Variants in COG6 observed in about 807,000 individuals in gnomAD.
The protein encoded by COG6 is conserved oligomeric Golgi complex subunit 6.
Under a neutral mutation model 88.8 loss-of-function variants are expected in COG6, and 74 were observed. The observed-to-expected ratio is 0.83, with a 90% confidence interval of 0.69 to 1.01. The LOEUF (loss-of-function observed/expected upper bound fraction) is 1.01. Ranked by LOEUF, COG6 falls within the 50% of genes least tolerant of loss-of-function variation. The probability of loss-of-function intolerance (pLI) is 0.00; values close to 1 mark genes in which losing one functional copy is unlikely to be tolerated. For missense variants in COG6, 800 were observed against 797.9 expected (o/e 1.00, Z -0.03); for synonymous variants, 286 against 278.7 (o/e 1.03, Z -0.26).
At chr13:39,789,703 G>A (rs1307580416) in exon 19 of COG6, 1 of 152,130 alleles carries the variant, frequency 6.6e-6, no homozygotes. Flanking sequence ...AATTAGTTTA[G>A]CTTGTGTGGT....
At chr13:39,737,272 C>A (rs1032645926) in intron 18 of COG6, among the ~76,000 whole-genome samples, 5 of 152,128 alleles carry the variant, frequency 3.3e-5, no homozygotes, top group Admixed American at 6.5e-5. Context: ...AGATCCAAAG[C>A]AAGCATAGCA....
At chr13:39,702,531 C>G (rs1397897042) in intron 13 of COG6, among the ~76,000 whole-genome samples, 2 of 151,748 alleles carry the variant, frequency 1.3e-5, no homozygotes, top group African/African-American at 4.8e-5. Flanking sequence ...TGGGGAAAAT[C>G]TTAATATTAA....
intron 8 of COG6, among the ~76,000 whole-genome samples, chr13:39,685,587 T>C (rs1208071643): frequency 6.6e-6 from 1 of 152,140 alleles, no homozygotes; most frequent in African/African-American, 2.4e-5. Flanking sequence ...TTATTTTTAA[T>C]ATAGTTAGTA....
intron 5 of COG6, 89 bp downstream of exon 5, chr13:39,677,668 TAA>T: frequency 2.9e-6 from 2 of 683,190 alleles, no homozygotes; most frequent in Non-Finnish European, 5.0e-6. Context: ...ATTTTCCCAT[TAA>T]AAAAAGTTTC....
At chr13:39,779,395 C>T (rs1881561693) in intron 18 of COG6, among the ~76,000 whole-genome samples, 1 of 152,228 alleles carries the variant, frequency 6.6e-6, no homozygotes, top group Admixed American at 6.5e-5. Context: ...ACGGTGTTAT[C>T]TCCACATCAT....
At chr13:39,790,865 T>A (rs573112903) in exon 19 of COG6, 9 of 152,262 alleles carry the variant, frequency 5.9e-5, no homozygotes, top group African/African-American at 2.2e-4. Flanking sequence ...ATAATGACTA[T>A]GAATTTTTTC....
intron 3 of COG6, chr13:39,664,217 G>A (rs1593407231): frequency 6.5e-6 from 1 of 154,344 alleles, no homozygotes; most frequent in African/African-American, 2.4e-5. Flanking sequence ...GTCTTCAGGT[G>A]TTTGCTCTGG....
At chr13:39,723,896 A>G (rs1034376471) in intron 16 of COG6, among the ~76,000 whole-genome samples, 1 of 151,988 alleles carries the variant, frequency 6.6e-6, no homozygotes, top group Non-Finnish European at 1.5e-5. Flanking sequence ...GTTGCCCATT[A>G]CTTTGAGAAG....
At chr13:39,677,316 T>C (rs1876031382) in intron 4 of COG6, 152 bp from the exon 5 acceptor site, 1 of 640,820 alleles carries the variant, frequency 1.6e-6, no homozygotes. Flanking sequence ...GATAAAATTC[T>C]AATATTTGAG....
chr13:39,761,292 A>C lies in COG6; in HGVS notation c.1827-27043A>C, dbSNP rs936295347. Among the ~76,000 whole-genome samples the C allele has an allele frequency of 5.3e-5, 8 of 152,162 alleles. 1 individual carries two copies. The highest frequency in any genetic ancestry group is 1.9e-4 in the African/African-American group (8 of 41,572). On this transcript the variant is annotated intron_variant, in intron 18 of 18. Transcript: ENST00000416691. ...GATATCTATTCTTAAGTTACACTTA[A>C]ACTTATTTGTTGCTGTATATAGAAA...
chr13:39,752,717 A>G, downstream of COG6: 2 of 1,115,350 alleles, frequency 1.8e-6, no homozygotes, highest in Non-Finnish European at 2.2e-6. Flanking sequence ...AGGAAATACA[A>G]CATAGGGCAA....
intron 18 of COG6, among the ~76,000 whole-genome samples, chr13:39,750,114 C>T (rs1880544840): frequency 6.6e-6 from 1 of 152,122 alleles, no homozygotes; most frequent in Non-Finnish European, 1.5e-5. Context: ...TTTAAACACA[C>T]ATTTTTATTT....
At chr13:39,710,131 A>G (rs892856380) in intron 13 of COG6, among the ~76,000 whole-genome samples, 1 of 152,156 alleles carries the variant, frequency 6.6e-6, no homozygotes, top group Non-Finnish European at 1.5e-5. Context: ...ATTTATGAAT[A>G]TCATATATCT....
chr13:39,753,324 A>C (rs938998810), downstream of COG6, among the ~76,000 whole-genome samples: 1 of 152,154 alleles, frequency 6.6e-6, no homozygotes, highest in African/African-American at 2.4e-5. Context: ...CTAGACACCA[A>C]ATCTTTTGGT....
chr13:39,716,836 A>G (rs947905863), intron 13 of COG6, among the ~76,000 whole-genome samples: 1 of 152,224 alleles, frequency 6.6e-6, no homozygotes, highest in African/African-American at 2.4e-5. Flanking sequence ...ATGCCCATCA[A>G]CATAGACTTA....
chr13:39,724,369 C>T (rs1879015414), intron 16 of COG6, 139 bp from the exon 17 acceptor site: 2 of 657,810 alleles, frequency 3.0e-6, no homozygotes, highest in Non-Finnish European at 2.7e-6. Context: ...AGAAATTACA[C>T]TTGAGTTCTT....
At chr13:39,698,494 G>A (rs950461378) in intron 12 of COG6, among the ~76,000 whole-genome samples, 9 of 151,730 alleles carry the variant, frequency 5.9e-5, no homozygotes, top group Admixed American at 6.6e-5. Context: ...AATTTACATT[G>A]TTTTCATGAA....
At chr13:39,682,699 A>AG (rs1019169890) in intron 8 of COG6, among the ~76,000 whole-genome samples, 8 of 152,082 alleles carry the variant, frequency 5.3e-5, no homozygotes, top group Non-Finnish European at 1.2e-4. Flanking sequence ...TTAGGAGGAG[A>AG]GGGCCCAGGT....
In COG6 at chr13:39,751,733, G is replaced by A; in HGVS notation, c.*640G>A. On this transcript the variant is annotated 3_prime_UTR_variant, in exon 19 of 19. Transcript: ENST00000455146. ...TTATGCAATTTTAAGTATACACTCA[G>A]CAATAATTAGAAAAAAAGGAGAGAG... 1 of 1,286,848 alleles carries A rather than the reference G, an allele frequency of 7.8e-7. No individual in the cohort carries two copies. The highest frequency in any genetic ancestry group is 1.0e-6 in the Non-Finnish European group (1 of 988,444). 79.7% of individuals were successfully genotyped at this position (1,286,848 alleles called of 1,614,324 possible).
Sources: gnomAD v4.1 joint callset for allele counts (sites outside exome capture counted in the v4.1 genomes callset) on GRCh38, gnomAD v4.1.1 for gene constraint, MANE v1.5 for transcripts, NCBI Gene and HGNC (gene_info 2026-07-23, HGNC 2026-07-21) for gene names.